GRIP1: variants seen among roughly 807,000 people sequenced by gnomAD.
The protein encoded by GRIP1 is glutamate receptor-interacting protein 1.
Under a neutral mutation model 129.9 loss-of-function variants are expected in GRIP1, and 45 were observed. The observed-to-expected ratio is 0.35, with a 90% confidence interval of 0.27 to 0.44. GRIP1 has a LOEUF of 0.44. Among genes scored for constraint, GRIP1 ranks in the 20% least tolerant of loss-of-function variants. GRIP1 has a pLI of 1.00. For missense variants in GRIP1, 1,196 were observed against 1,396.8 expected (o/e 0.86, Z 2.29); for synonymous variants, 530 against 520.8 (o/e 1.02, Z -0.24).
chr12:66,776,088 T>C (rs1258004766), intron 1 of GRIP1, among the ~76,000 whole-genome samples: 3 of 152,198 alleles, frequency 2.0e-5, no homozygotes, highest in African/African-American at 7.2e-5. Context: ...TTTCAAAGAT[T>C]CTGAAAACTA....
At chr12:66,936,508 C>G (rs561973986) in intron 1 of GRIP1, among the ~76,000 whole-genome samples, 1 of 150,600 alleles carries the variant, frequency 6.6e-6, no homozygotes, top group Non-Finnish European at 1.5e-5. Flanking sequence ...TCCTTTATGT[C>G]TCTTCATTTT....
intron 1 of GRIP1, among the ~76,000 whole-genome samples, chr12:66,798,937 G>A (rs2038779371): frequency 6.6e-6 from 1 of 152,110 alleles, no homozygotes; most frequent in Non-Finnish European, 1.5e-5. Context: ...TTTATATGTA[G>A]ATGATCCTGG....
rs73123082 is a variant in GRIP1 at position 66,516,479 on chromosome 12, G to T, written c.579-715C>A. On this transcript the variant is annotated intron_variant, in intron 6 of 24. Coordinates refer to ENST00000359742, the MANE Select transcript of GRIP1 (RefSeq NM_001366722.1). ...GGATTATATGTTTAGGATTTGGAAA[G>T]AATAATAATGACCTTTGAAATAAAA... 2.7e-3 allele frequency among the ~76,000 whole-genome samples: 405 copies of T among 152,244 alleles called. 3 individuals carry two copies. Among genetic ancestry groups the T allele is most frequent in the Non-Finnish European group, 4.3e-3 (293 of 68,000 alleles).
intron 1 of GRIP1, among the ~76,000 whole-genome samples, chr12:66,790,953 T>A (rs1592849423): frequency 6.6e-6 from 1 of 151,928 alleles, no homozygotes; most frequent in Admixed American, 6.6e-5. Context: ...AGAAGATGGG[T>A]CACAGAAGCC....
chr12:66,718,811 C>T (rs1045634990), intron 1 of GRIP1, among the ~76,000 whole-genome samples: 15 of 152,046 alleles, frequency 9.9e-5, no homozygotes, highest in African/African-American at 3.6e-4. Flanking sequence ...AAGATTATGC[C>T]ATTGCACTCC....
chr12:66,406,952 T>C (rs1272365903), intron 15 of GRIP1, among the ~76,000 whole-genome samples: 2 of 152,206 alleles, frequency 1.3e-5, no homozygotes, highest in South Asian at 4.1e-4. Flanking sequence ...AGCTTCTTAT[T>C]TGGAAAGTGG....
chr12:66,760,847 CT>C lies in GRIP1; in HGVS notation c.-420+43205del, dbSNP rs758075509. Among the ~76,000 whole-genome samples the C allele has an allele frequency of 6.1e-3, 880 of 143,438 alleles. 2 individuals are homozygous for C. The highest frequency in any genetic ancestry group is 5.5e-3 in the African/African-American group (218 of 39,326). 94.1% of individuals were successfully genotyped at this position (143,438 alleles called of 152,430 possible). ...AACTTCAAATTCTGTTAGTTAGTAT[CT>C]TTTTTTTTTTTTTAATTCCCCAAAA... On this transcript the variant is annotated intron_variant, in intron 1 of 4. Coordinates refer to the GRIP1 transcript ENST00000538373.
chr12:66,793,590 ATGT>A (rs2136871799), intron 1 of GRIP1, among the ~76,000 whole-genome samples: 1 of 152,324 alleles, frequency 6.6e-6, no homozygotes, highest in South Asian at 2.1e-4. Context: ...TCATAACAGC[ATGT>A]TGCGTTTGCT....
chr12:66,817,281 A>G (rs1309770470), intron 1 of GRIP1, among the ~76,000 whole-genome samples: 1 of 151,908 alleles, frequency 6.6e-6, no homozygotes, highest in African/African-American at 2.4e-5. Context: ...TTTAAAGCGT[A>G]AATTTTAAAT....
intron 1 of GRIP1, among the ~76,000 whole-genome samples, chr12:67,012,809 A>G (rs1358915733): frequency 6.6e-6 from 1 of 152,140 alleles, no homozygotes; most frequent in Non-Finnish European, 1.5e-5. Flanking sequence ...ATGCCCCTAT[A>G]TGTTTAGGAC....
intron 1 of GRIP1, among the ~76,000 whole-genome samples, chr12:67,001,187 A>G (rs2042545697): frequency 6.6e-6 from 1 of 152,152 alleles, no homozygotes; most frequent in Admixed American, 6.6e-5. Flanking sequence ...ATATTTTTGG[A>G]AAGAGTTCTG....
intron 11 of GRIP1, among the ~76,000 whole-genome samples, chr12:66,451,383 G>GGTTTTTT (rs1565751885): frequency 2.3e-5 from 1 of 42,650 alleles, no homozygotes; most frequent in Non-Finnish European, 4.2e-5. Flanking sequence ...ATTATAATCT[G>GGTTTTTT]TTTTTTTTTT....
intron 1 of GRIP1, among the ~76,000 whole-genome samples, chr12:66,847,804 A>G (rs1438727815): frequency 2.0e-5 from 3 of 152,204 alleles, no homozygotes; most frequent in Non-Finnish European, 4.4e-5. Flanking sequence ...GGCTGGGTAA[A>G]TGGTAAAATG....
chr12:66,804,198 G>A (rs778177151), upstream of GRIP1: 3 of 452,812 alleles, frequency 6.6e-6, no homozygotes, highest in East Asian at 7.0e-5. Context: ...CTTACTCACC[G>A]TGCAGCGCGG....
At chr12:66,660,197 C>G (rs2033413040) in intron 1 of GRIP1, among the ~76,000 whole-genome samples, 1 of 152,156 alleles carries the variant, frequency 6.6e-6, no homozygotes, top group Non-Finnish European at 1.5e-5. Context: ...TGACTATCTT[C>G]AAACCTTAGT....
chr12:67,025,660 C>T (rs1449478168), intron 1 of GRIP1, among the ~76,000 whole-genome samples: 3 of 152,012 alleles, frequency 2.0e-5, no homozygotes, highest in African/African-American at 7.2e-5. Context: ...AGGTTTCTCT[C>T]CCCCCAGGGT....
intron 1 of GRIP1, among the ~76,000 whole-genome samples, chr12:66,903,399 T>G (rs2137279452): frequency 6.6e-6 from 1 of 152,160 alleles, no homozygotes; most frequent in South Asian, 2.1e-4. Flanking sequence ...AGAGACTGCC[T>G]TTTAAGTAAA....
rs567009037 is a variant in GRIP1 at position 66,896,053 on chromosome 12, A to T, written c.58+172997T>A. 1.6e-4 allele frequency among the ~76,000 whole-genome samples: 24 copies of T among 152,314 alleles called. No individual in the cohort carries two copies. In the South Asian group the frequency reaches 4.1e-3, roughly 26 times the overall value. On this transcript the variant is annotated intron_variant, in intron 1 of 1. Transcript: ENST00000643019. ...TTAGACAAAGGCAGGCATGAAGTCA[A>T]ATAAGGAGTTGCCAGCTAGACAACT...
chr12:66,983,041 T>A (rs2042261893), intron 1 of GRIP1, among the ~76,000 whole-genome samples: 1 of 152,216 alleles, frequency 6.6e-6, no homozygotes, highest in Non-Finnish European at 1.5e-5. Context: ...ACCTTTTTCC[T>A]TCCTGAAATG....
Sources: gnomAD v4.1 joint callset for allele counts (sites outside exome capture counted in the v4.1 genomes callset) on GRCh38, gnomAD v4.1.1 for gene constraint, MANE v1.5 for transcripts, NCBI Gene and HGNC (gene_info 2026-07-23, HGNC 2026-07-21) for gene names.